ITGA11: variants seen among roughly 807,000 people sequenced by gnomAD.
ITGA11 encodes integrin subunit alpha 11, also known as integrin alpha-11.
ITGA11 carries 97 observed loss-of-function variants against 141.9 expected under a neutral mutation model. The observed-to-expected ratio is 0.68, with a 90% CI of 0.58 to 0.81. The LOEUF (loss-of-function observed/expected upper bound fraction) is 0.81, where lower values mean the gene tolerates loss of function less well. ITGA11 is among the 30% of genes least tolerant of loss of function. The pLI, the probability that ITGA11 is intolerant of heterozygous loss-of-function variation, is 0.00. For synonymous variants in ITGA11, 658 were observed against 624.6 expected (o/e 1.05, Z -0.80); for missense variants, 1,387 against 1,559.2 (o/e 0.89, Z 1.86).
At chr15:68,419,605 T>G (rs765376173) in intron 1 of ITGA11, among the ~76,000 whole-genome samples, 6 of 152,238 alleles carry the variant, frequency 3.9e-5, no homozygotes, top group Non-Finnish European at 8.8e-5. Context: ...CATCTGGGTT[T>G]ACAATCAGGA....
At chr15:68,312,885 C>T (rs372193307) in intron 23 of ITGA11, 22 bp from the exon 24 acceptor site, 310 of 1,547,034 alleles carry the variant, frequency 2.0e-4, no homozygotes, top group Non-Finnish European at 2.7e-4. Flanking sequence ...GAGGACAGGG[C>T]TGTCGTGAGC....
intron 2 of ITGA11, among the ~76,000 whole-genome samples, chr15:68,401,381 A>G (rs1250796134): frequency 2.0e-5 from 3 of 152,212 alleles, no homozygotes; most frequent in African/African-American, 7.2e-5. Flanking sequence ...AAGTGAATAC[A>G]TATGCCCATC....
intron 4 of ITGA11, among the ~76,000 whole-genome samples, chr15:68,362,372 T>C: frequency 6.6e-6 from 1 of 152,250 alleles, no homozygotes; most frequent in East Asian, 1.9e-4. Flanking sequence ...TAATTTCCTT[T>C]GGTTTAGGGG....
intron 20 of ITGA11, among the ~76,000 whole-genome samples, chr15:68,317,647 C>T (rs1893640417): frequency 1.3e-5 from 2 of 152,120 alleles, no homozygotes; most frequent in South Asian, 4.1e-4. Flanking sequence ...ATTTTGCTCA[C>T]CTGTTAAATG....
Position 68,322,677 on chromosome 15 carries a change from G to A in ITGA11, c.2323-1174C>T, listed in dbSNP as rs1326185991. Among the ~76,000 whole-genome samples, 3 of 151,978 alleles carry A rather than the reference G, an allele frequency of 2.0e-5. No homozygotes were observed. Among genetic ancestry groups the A allele is most frequent in the African/African-American group, 4.8e-5 (2 of 41,368 alleles). On this transcript the variant is annotated intron_variant, in intron 18 of 29. Transcript: ENST00000315757. This position sits in a 1 kb window ranked among gnomAD's most constrained non-coding sequence, Gnocchi z 5.6. ...AGGTCAGGAGTTCAAGAACAACCAG[G>A]CCAACATGGTGAAACTTTGTCTCTG...
intron 10 of ITGA11, among the ~76,000 whole-genome samples, chr15:68,348,626 C>A (rs538348284): frequency 2.0e-5 from 3 of 152,274 alleles, no homozygotes; most frequent in South Asian, 4.1e-4. Context: ...TGGCTTAAGA[C>A]AACATAAATA....
In ITGA11 at chr15:68,308,820, G is replaced by A. The variant is rs1893285994; in HGVS notation, c.3175-1124C>T. 6.6e-6 allele frequency among the ~76,000 whole-genome samples: 1 copy of A among 152,054 alleles called. No individual in the cohort carries two copies. The highest frequency in any genetic ancestry group is 6.6e-5 in the Admixed American group (1 of 15,264). ...GACACTGAAGATGGAGCTTGCAGCA[G>A]CAGATCATTCATATCAATTTGTGAG... On this transcript the variant is annotated intron_variant, in intron 26 of 29. Transcript: ENST00000315757. The surrounding 1 kb of genome is among the most constrained non-coding windows in gnomAD (Gnocchi z 5.2).
Position 68,426,384 on chromosome 15 carries a change from C to T in ITGA11, c.52+5631G>A, listed in dbSNP as rs149469347. On this transcript the variant is annotated intron_variant, in intron 1 of 29. Transcript: ENST00000315757. ...TGACCCTGAGAATGGGCTGGAATGA[C>T]AGCCCCTGGGAAGTCAGTGTTCCAG... Among the ~76,000 whole-genome samples, 1,294 of 152,292 alleles carry T rather than the reference C, an allele frequency of 8.5e-3. 11 individuals are homozygous for T. Among genetic ancestry groups the T allele is most frequent in the Non-Finnish European group, 0.012 (789 of 68,014 alleles).
At chr15:68,340,726 T>G (rs1050417126) in intron 10 of ITGA11, 2 of 152,220 alleles carry the variant, frequency 1.3e-5, no homozygotes, top group Non-Finnish European at 1.5e-5. Flanking sequence ...GGCCCTTTCT[T>G]GAAGACTGGG....
chr15:68,344,594 C>G (rs1894684938), intron 10 of ITGA11, among the ~76,000 whole-genome samples: 1 of 151,936 alleles, frequency 6.6e-6, no homozygotes, highest in African/African-American at 2.4e-5. Context: ...CTCGAAGACT[C>G]GGTAATCCCA....
rs942011673 is a variant in ITGA11, at chr15:68,304,999, G to T, written c.3382-1114C>A. On this transcript the variant is annotated intron_variant, in intron 28 of 29. Transcript: ENST00000315757. This position sits in a 1 kb window ranked among gnomAD's most constrained non-coding sequence, Gnocchi z 6.1. ...TAGCAACTAGAGGGATCCTTCTAAC[G>T]AGGAAGGCAGGCTTATGCTCTGCTC... Among the ~76,000 whole-genome samples the T allele has an allele frequency of 2.0e-5, 3 of 152,162 alleles. No individual in the cohort carries two copies. The highest frequency in any genetic ancestry group is 2.0e-4 in the Admixed American group (3 of 15,284).
At chr15:68,344,436 C>A (rs935978103) in intron 10 of ITGA11, among the ~76,000 whole-genome samples, 3 of 152,136 alleles carry the variant, frequency 2.0e-5, no homozygotes, top group African/African-American at 7.2e-5. Flanking sequence ...AAAGCTTCAG[C>A]CACTAAGAAC....
chr15:68,369,044 G>T, intron 3 of ITGA11, 140 bp downstream of exon 3: 1 of 653,804 alleles, frequency 1.5e-6, no homozygotes. Flanking sequence ...GTGTAAAGTG[G>T]GGGCAGTGAT....
rs1299303220 is a variant in ITGA11 at position 68,317,359 on chromosome 15, T to A, written c.2621A>T (p.Asp874Val). 6.2e-7 allele frequency: 1 copy of A among 1,611,658 alleles called. No individual in the cohort carries two copies. Among genetic ancestry groups the A allele is most frequent in the East Asian group, 2.2e-5 (1 of 44,846 alleles). The part of the protein sequence containing the change: ...LQFASLIQKE[D>V]SDGSIECVNE... The stretch of plus-strand genomic sequence containing the variant: ...CACACACTCAATGCTACCGTCTGAG[T>A]CCTCCTGGAGGTGGGTGGCAGACAT... Residue 874 changes from aspartate to valine, a missense_variant, in exon 21 of 30, where the codon GAC becomes GTC. Coordinates refer to ENST00000315757, the MANE Select transcript of ITGA11 (RefSeq NM_001004439.2).
intron 1 of ITGA11, among the ~76,000 whole-genome samples, chr15:68,411,459 G>C (rs996003805): frequency 6.6e-6 from 1 of 152,188 alleles, no homozygotes; most frequent in South Asian, 2.1e-4. Flanking sequence ...AGGAGACCAG[G>C]TATGCCAGAA....
rs1895900060 is a variant in ITGA11 at position 68,383,024 on chromosome 15, C to T, written c.165-13740G>A. 2.6e-5 allele frequency among the ~76,000 whole-genome samples: 4 copies of T among 152,208 alleles called. No homozygotes were observed. In the South Asian group the frequency reaches 8.3e-4, roughly 31 times the overall value. On this transcript the variant is annotated intron_variant, in intron 2 of 29. Coordinates refer to ENST00000315757, the MANE Select transcript of ITGA11 (RefSeq NM_001004439.2). ...TGGTGGCTCACGCCTGTAATCTCAGCACTTTTGGAGGCCGAGGCAGGCGGA... is the reference window on the plus strand; with the variant it reads ...TGGTGGCTCACGCCTGTAATCTCAGTACTTTTGGAGGCCGAGGCAGGCGGA...
intron 13 of ITGA11, 68 bp downstream of exon 13, chr15:68,332,270 G>T: frequency 6.6e-7 from 1 of 1,523,480 alleles, no homozygotes; most frequent in Non-Finnish European, 8.9e-7. Context: ...CATTTCCGTC[G>T]TGGCTACCCA....
intron 2 of ITGA11, among the ~76,000 whole-genome samples, chr15:68,379,778 T>C (rs543207079): frequency 1.3e-5 from 2 of 152,358 alleles, no homozygotes; most frequent in Admixed American, 1.3e-4. Flanking sequence ...TCTTTCCACT[T>C]TATAGCAGCT....
At chr15:68,371,720 G>C (rs1305042844) in intron 2 of ITGA11, among the ~76,000 whole-genome samples, 1 of 151,782 alleles carries the variant, frequency 6.6e-6, no homozygotes, top group East Asian at 1.9e-4. Flanking sequence ...TCTATCTCGG[G>C]GAAAAGAAAA....
Sources: allele counts gnomAD v4.1 joint callset (sites outside exome capture counted in the v4.1 genomes callset), GRCh38; gene constraint gnomAD v4.1.1; non-coding constraint Gnocchi (gnomAD v3.1); transcripts MANE v1.5; gene names NCBI Gene and HGNC (gene_info 2026-07-23, HGNC 2026-07-21).